SYT1: variants seen among roughly 807,000 people sequenced by gnomAD.
The protein encoded by SYT1 is synaptotagmin-1.
In SYT1, 8 loss-of-function variants were observed where a neutral mutation model predicts 44.8. The observed-to-expected ratio is 0.18, with a 90% CI of 0.10 to 0.32. SYT1 has a LOEUF of 0.32. Ranked by LOEUF, SYT1 falls within the 10% of genes least tolerant of loss-of-function variation. SYT1 has a pLI of 1.00. For synonymous variants in SYT1, 154 were observed against 188.8 expected (o/e 0.82, Z 1.51); for missense variants, 286 against 509.3 (o/e 0.56, Z 4.22).
In SYT1 at chr12:79,011,065, T is replaced by C. The variant is rs560677051; in HGVS notation, c.-84+33134T>C. ...AAGTTCTTACAGAATTTGCGTTCTA[T>C]TTCTTAAAAGAAATAATGGCTAAAA... On this transcript the variant is annotated intron_variant, in intron 2 of 10. Transcript: ENST00000261205. Among the ~76,000 whole-genome samples the C allele has an allele frequency of 2.6e-5, 4 of 152,294 alleles. No homozygotes were observed. The South Asian group carries it at 8.3e-4, about 32-fold the overall frequency.
chr12:79,053,072 G>A (rs1317754367), intron 3 of SYT1, among the ~76,000 whole-genome samples: 2 of 152,078 alleles, frequency 1.3e-5, no homozygotes, highest in East Asian at 3.9e-4. Context: ...GTTTATTGCG[G>A]CACTATTCAC....
At chr12:78,987,427 C>A (rs529409259) in intron 2 of SYT1, among the ~76,000 whole-genome samples, 1 of 152,064 alleles carries the variant, frequency 6.6e-6, no homozygotes, top group South Asian at 2.1e-4. Context: ...TTAGTTAGAC[C>A]TTTTCAAGAT....
chr12:79,154,887 A>C (rs1171797980), intron 3 of SYT1, among the ~76,000 whole-genome samples: 5 of 152,120 alleles, frequency 3.3e-5, no homozygotes, highest in Non-Finnish European at 7.4e-5. Flanking sequence ...CACCACTTAG[A>C]GGTGCTTATT....
At chr12:79,027,849 C>A (rs1272349466) in intron 2 of SYT1, among the ~76,000 whole-genome samples, 1 of 151,472 alleles carries the variant, frequency 6.6e-6, no homozygotes, top group Non-Finnish European at 1.5e-5. Context: ...CAGATAGAGA[C>A]CAGTATAGCC....
At chr12:79,025,713 G>C (rs897336546) in intron 2 of SYT1, among the ~76,000 whole-genome samples, 2 of 151,344 alleles carry the variant, frequency 1.3e-5, no homozygotes, top group Non-Finnish European at 3.0e-5. Flanking sequence ...TTCAGTACTT[G>C]TAATGTATGC....
intron 1 of SYT1, among the ~76,000 whole-genome samples, chr12:78,866,044 G>T (rs1266476025): frequency 2.0e-5 from 3 of 152,140 alleles, no homozygotes; most frequent in Non-Finnish European, 2.9e-5. Flanking sequence ...TTATAGGGAG[G>T]CTTGGATTTC....
chr12:79,078,811 C>T (rs17273791), intron 3 of SYT1, among the ~76,000 whole-genome samples: 16 of 152,198 alleles, frequency 1.1e-4, no homozygotes, highest in Non-Finnish European at 1.8e-4. Context: ...CAGAAAGAAA[C>T]GGGAGCGTTA....
chr12:79,028,237 C>A (rs540227647), intron 2 of SYT1, among the ~76,000 whole-genome samples: 19 of 151,498 alleles, frequency 1.3e-4, no homozygotes, highest in Middle Eastern at 3.4e-3. Flanking sequence ...GTTCTACTAA[C>A]CCTGTCAGAC....
intron 8 of SYT1, among the ~76,000 whole-genome samples, chr12:79,310,656 G>C (rs957210747): frequency 2.0e-5 from 3 of 152,198 alleles, no homozygotes; most frequent in African/African-American, 7.2e-5. Context: ...AGCATGGAAT[G>C]TTCTTCCATT....
At chr12:79,079,160 TAAACTATTGTCACAAGTTGGCA>T (rs1404843184) in intron 3 of SYT1, among the ~76,000 whole-genome samples, 32 of 152,156 alleles carry the variant, frequency 2.1e-4, no homozygotes, top group Admixed American at 1.9e-3. Context: ...ATAAGTCTAA[TAAACTATTGTCACAAGTTGGCA>T]AAACTATTGT....
intron 2 of SYT1, among the ~76,000 whole-genome samples, chr12:78,989,304 C>G (rs182840188): frequency 6.6e-6 from 1 of 152,034 alleles, no homozygotes; most frequent in African/African-American, 2.4e-5. Flanking sequence ...AAGATACTCT[C>G]AATAGCAAAT....
In SYT1 at chr12:79,234,542, T is replaced by C. The variant is rs74107368; in HGVS notation, c.166+16857T>C. On this transcript the variant is annotated intron_variant, in intron 4 of 10. Transcript: ENST00000261205. ...TATTCTGTGTCTGATTTCTTTCACT[T>C]AGCACAATGTTTTTGCAATTCATCT... Among the ~76,000 whole-genome samples the C allele has an allele frequency of 3.8e-3, 578 of 152,326 alleles. 8 individuals carry two copies. The highest frequency in any genetic ancestry group is 0.014 in the African/African-American group (562 of 41,584).
intron 3 of SYT1, among the ~76,000 whole-genome samples, chr12:79,112,633 C>G (rs1164651881): frequency 6.6e-6 from 1 of 152,050 alleles, no homozygotes; most frequent in East Asian, 1.9e-4. Flanking sequence ...TTAATTACAC[C>G]ATTGTATCTC....
intron 3 of SYT1, among the ~76,000 whole-genome samples, chr12:79,065,742 G>A (rs548919875): frequency 3.3e-5 from 5 of 152,092 alleles, no homozygotes; most frequent in East Asian, 3.9e-4. Flanking sequence ...AGATCTATAG[G>A]AAAGTCAAAA....
At chr12:79,046,671 A>G (rs1592697669) in intron 2 of SYT1, among the ~76,000 whole-genome samples, 1 of 151,976 alleles carries the variant, frequency 6.6e-6, no homozygotes, top group South Asian at 2.1e-4. Context: ...TAATATATAC[A>G]TATTTATTTG....
chr12:78,956,313 C>T (rs1361432359), intron 1 of SYT1, among the ~76,000 whole-genome samples: 1 of 152,038 alleles, frequency 6.6e-6, no homozygotes, highest in Non-Finnish European at 1.5e-5. Context: ...TGGAGACACA[C>T]TTATTGAGTT....
intron 2 of SYT1, among the ~76,000 whole-genome samples, chr12:79,043,495 C>T (rs1395948840): frequency 6.7e-6 from 1 of 149,838 alleles, no homozygotes; most frequent in Non-Finnish European, 1.5e-5. Context: ...CTTCCTCCAT[C>T]CTTTTATTTT....
At chr12:79,418,267 T>G (rs1868880403) in intron 9 of SYT1, among the ~76,000 whole-genome samples, 2 of 152,198 alleles carry the variant, frequency 1.3e-5, no homozygotes, top group African/African-American at 4.8e-5. Context: ...TTAGCGAAAA[T>G]TTTTCACTTG....
intron 1 of SYT1, among the ~76,000 whole-genome samples, chr12:78,951,677 C>G (rs1878974387): frequency 2.0e-5 from 3 of 152,252 alleles, no homozygotes; most frequent in Admixed American, 2.0e-4. Flanking sequence ...ATTTAAAACT[C>G]TCCTAGTCTG....
Sources: gnomAD v4.1 joint callset for allele counts (sites outside exome capture counted in the v4.1 genomes callset) on GRCh38, gnomAD v4.1.1 for gene constraint, MANE v1.5 for transcripts, NCBI Gene and HGNC (gene_info 2026-07-23, HGNC 2026-07-21) for gene names.